Variants in MFHAS1 observed in about 807,000 individuals in gnomAD.
The protein encoded by MFHAS1 is multifunctional ROCO family signaling regulator 1.
A neutral mutation model predicts 70.4 loss-of-function variants in MFHAS1; 50 were observed. The ratio of observed to expected loss-of-function variants is 0.71; its 90% CI spans 0.57 to 0.90. MFHAS1 has a LOEUF of 0.90. Among genes scored for constraint, MFHAS1 ranks in the 40% least tolerant of loss-of-function variants. MFHAS1 has a pLI of 0.00. For synonymous variants in MFHAS1, 952 were observed against 620.0 expected, an observed-to-expected ratio of 1.54 and a Z score of -7.96; for missense variants, 1,795 against 1,347.6, an observed-to-expected ratio of 1.33 and a Z score of -5.20.
At chr8:8,833,518 A>G (rs1372954656) in intron 1 of MFHAS1, among the ~76,000 whole-genome samples, 1 of 152,128 alleles carries the variant, frequency 6.6e-6, no homozygotes, top group Admixed American at 6.5e-5. Context: ...AGTCTCAGCT[A>G]CTCAGGAGGC....
At chr8:8,850,060 T>C (rs1359035082) in intron 1 of MFHAS1, among the ~76,000 whole-genome samples, 2 of 152,236 alleles carry the variant, frequency 1.3e-5, no homozygotes, top group East Asian at 3.8e-4. Flanking sequence ...ATGCTTGTTC[T>C]AATGAAGATA....
intron 1 of MFHAS1, among the ~76,000 whole-genome samples, chr8:8,867,006 G>A (rs1210717643): frequency 6.6e-6 from 1 of 151,932 alleles, no homozygotes; most frequent in Non-Finnish European, 1.5e-5. Flanking sequence ...AGGTGACAGT[G>A]GGAAAAAAAA....
chr8:8,850,384 G>C (rs1415603128), intron 1 of MFHAS1, among the ~76,000 whole-genome samples: 2 of 152,144 alleles, frequency 1.3e-5, no homozygotes, highest in African/African-American at 2.4e-5. Context: ...CCATATTAGA[G>C]AGATAGACTG....
At chr8:8,836,332 C>T (rs970863036) in intron 1 of MFHAS1, among the ~76,000 whole-genome samples, 3 of 152,122 alleles carry the variant, frequency 2.0e-5, no homozygotes, top group African/African-American at 7.2e-5. Flanking sequence ...TTATCAATGG[C>T]TCTTGGCTTC....
intron 1 of MFHAS1, 70 bp downstream of exon 1, chr8:8,889,991 G>T (rs1809923727): frequency 1.5e-6 from 2 of 1,296,376 alleles, no homozygotes; most frequent in South Asian, 1.5e-5. Flanking sequence ...TCTGCCAAAT[G>T]ACAACCAAGT....
rs1355794043 is a variant in MFHAS1 at position 8,890,044 on chromosome 8, TC to T, written c.2998+16del. 1 of 1,557,774 alleles carries T rather than the reference TC, an allele frequency of 6.4e-7. No homozygotes were observed. The highest frequency in any genetic ancestry group is 8.7e-7 in the Non-Finnish European group (1 of 1,144,910). On this transcript the variant is annotated intron_variant, in intron 1 of 2. Transcript: ENST00000276282. Reference sequence around the variant, plus strand: ...TTACAGCATACCACAGAAGAACTTCTCCCTCTCTCCACTTACCTGGAAAAGC... The same window carrying T: ...TTACAGCATACCACAGAAGAACTTCTCCTCTCTCCACTTACCTGGAAAAGC...
chr8:8,862,229 GAACATGC>G (rs1808693805), intron 1 of MFHAS1, among the ~76,000 whole-genome samples: 1 of 152,064 alleles, frequency 6.6e-6, no homozygotes, highest in Non-Finnish European at 1.5e-5. Flanking sequence ...CCACTCTAGG[GAACATGC>G]ACTAGTATCT....
intron 1 of MFHAS1, among the ~76,000 whole-genome samples, chr8:8,847,763 A>G (rs1008594296): frequency 1.3e-5 from 2 of 152,216 alleles, no homozygotes; most frequent in Non-Finnish European, 2.9e-5. Flanking sequence ...CAACAGTGAT[A>G]GGAGAGTTTC....
At chr8:8,850,902 C>G (rs947401256) in intron 1 of MFHAS1, among the ~76,000 whole-genome samples, 2 of 151,622 alleles carry the variant, frequency 1.3e-5, no homozygotes, top group Non-Finnish European at 2.9e-5. Context: ...TCAACACTCA[C>G]GTAATCTCAG....
At chr8:8,808,464 G>T (rs1215603994) in intron 1 of MFHAS1, among the ~76,000 whole-genome samples, 1 of 152,196 alleles carries the variant, frequency 6.6e-6, no homozygotes, top group Non-Finnish European at 1.5e-5. Context: ...GCCCGAAAGT[G>T]TAAGAGTAGT....
chr8:8,796,770 C>T lies in MFHAS1; in HGVS notation c.3125+595G>A, dbSNP rs187806612. Among the ~76,000 whole-genome samples, 13 of 148,894 alleles carry T rather than the reference C, an allele frequency of 8.7e-5. No individual in the cohort carries two copies. In the East Asian group the frequency reaches 2.4e-3, roughly 27 times the overall value. Reference sequence around the variant, plus strand: ...CAGCACTTTGGGAGGCCAAGACGGGCGGATCCCGAGGTCAGGAGATCGAGA... The same window carrying T: ...CAGCACTTTGGGAGGCCAAGACGGGTGGATCCCGAGGTCAGGAGATCGAGA... On this transcript the variant is annotated intron_variant, in intron 2 of 2. Transcript: ENST00000276282.
chr8:8,889,570 A>G (rs974598686), intron 1 of MFHAS1, among the ~76,000 whole-genome samples: 1 of 152,256 alleles, frequency 6.6e-6, no homozygotes, highest in African/African-American at 2.4e-5. Context: ...AAAACATCTC[A>G]TGCACCCCAC....
rs751152654 is a variant in MFHAS1, at chr8:8,891,702, G to C, written c.1357C>G (p.Pro453Ala). 5 of 1,613,474 alleles carry C rather than the reference G, an allele frequency of 3.1e-6. No homozygotes were observed. In the South Asian group the frequency reaches 3.3e-5, roughly 11 times the overall value. ...GTCACCTCGATGCCCTTGCTCACAG[G>C]GGGAGGTGACGGTGGGTAGCACTTC... The part of the protein sequence containing the change: ...KEKCYPPSPP[P>A]VSKGIEVTSW... The change falls in exon 1 of 3, where the codon CCT becomes GCT. Residue 453 changes from proline to alanine, a missense_variant. Physicochemically the swap from Pro to Ala is conservative, Grantham distance 27. Transcript: ENST00000276282. The surrounding 1 kb of genome is among the most constrained non-coding windows in gnomAD (Gnocchi z 5.4).
intron 1 of MFHAS1, among the ~76,000 whole-genome samples, chr8:8,887,490 C>CAA (rs893265651): frequency 7.0e-6 from 1 of 143,604 alleles, no homozygotes; most frequent in Admixed American, 6.9e-5. Flanking sequence ...CAACACAATT[C>CAA]AAAAAAAAAC....
At position 8,891,860 on chromosome 8, in the gene MFHAS1, G is replaced by C; in HGVS notation, c.1199C>G (p.Ala400Gly). Residue 400 changes from alanine (A) to glycine (G), a missense_variant, in exon 1 of 3, where the codon GCT (alanine) becomes GGT (glycine). Transcript: ENST00000276282. This position sits in a 1 kb window ranked among gnomAD's most constrained non-coding sequence, Gnocchi z 5.4. ...GGGCTGCACCGCCGGCTGGGAATGA[G>C]CCAGTTCCTTCTGGTAGGCTGCGAT... The part of the protein sequence containing the change: ...PYIAAYQKEL[A>G]HSQPAVQPRL... The C allele has an allele frequency of 1.2e-6, 2 of 1,612,486 alleles. No homozygotes were observed. Among genetic ancestry groups the C allele is most frequent in the Non-Finnish European group, 1.7e-6 (2 of 1,179,508 alleles).
At chr8:8,806,760 A>G (rs1563182343) in intron 1 of MFHAS1, among the ~76,000 whole-genome samples, 1 of 152,166 alleles carries the variant, frequency 6.6e-6, no homozygotes, top group African/African-American at 2.4e-5. Context: ...CAGGAGTTCG[A>G]GGCCAGCCTA....
intron 1 of MFHAS1, among the ~76,000 whole-genome samples, chr8:8,884,390 A>T (rs1489981161): frequency 1.3e-5 from 2 of 152,216 alleles, no homozygotes; most frequent in African/African-American, 4.8e-5. Context: ...ATATTGAAAA[A>T]CCTTTGTAAA....
chr8:8,860,285 T>C (rs1266042956), intron 1 of MFHAS1, among the ~76,000 whole-genome samples: 3 of 152,196 alleles, frequency 2.0e-5, no homozygotes, highest in Non-Finnish European at 4.4e-5. Context: ...TAACAGACTG[T>C]GCTACGCGTC....
intron 1 of MFHAS1, among the ~76,000 whole-genome samples, chr8:8,874,070 C>G (rs368545886): frequency 6.6e-6 from 1 of 152,252 alleles, no homozygotes; most frequent in Middle Eastern, 3.4e-3. Context: ...TCATAACCCT[C>G]GAGGCTTTTT....
Sources: gnomAD v4.1 joint callset for allele counts (sites outside exome capture counted in the v4.1 genomes callset) on GRCh38, gnomAD v4.1.1 for gene constraint, Gnocchi (gnomAD v3.1) non-coding constraint, MANE v1.5 for transcripts, NCBI Gene and HGNC (gene_info 2026-07-23, HGNC 2026-07-21) for gene names.